The following GTF2B variants were observed in gnomAD, a reference collection of about 807,000 sequenced individuals.
GTF2B encodes the protein transcription initiation factor IIB.
Under a neutral mutation model 34.6 loss-of-function variants are expected in GTF2B, and 20 were observed. The observed-to-expected ratio is 0.58, with a 90% CI of 0.41 to 0.84. The LOEUF is 0.84. Among genes scored for constraint, GTF2B ranks in the 40% least tolerant of loss-of-function variants. The pLI is 0.00. For synonymous variants in GTF2B, 142 were observed against 132.4 expected (o/e 1.07, Z -0.50); for missense variants, 237 against 393.3 (o/e 0.60, Z 3.36).
At chr1:88,867,855 G>A (rs1449266998) in intron 2 of GTF2B, among the ~76,000 whole-genome samples, 2 of 152,168 alleles carry the variant, frequency 1.3e-5, no homozygotes, top group Non-Finnish European at 2.9e-5. Context: ...GCGCAACACT[G>A]GGTGGTGATG....
At position 88,891,555 on chromosome 1, in the gene GTF2B, A is replaced by T. The variant is rs1176802794; in HGVS notation, c.-56T>A. On this transcript the variant is annotated 5_prime_UTR_variant, in exon 1 of 7. Transcript: ENST00000370500. ...ACACAACAGACACACCGAAAGCAGG[A>T]AGCGAATGTGGCGAAGAGACGCGCA... 6.5e-7 allele frequency: 1 copy of T among 1,536,772 alleles called. No individual in the cohort carries two copies. The highest frequency in any genetic ancestry group is 8.9e-7 in the Non-Finnish European group (1 of 1,121,820).
At position 88,891,559 on chromosome 1, in the gene GTF2B, G is replaced by GA. The variant is rs933302100; in HGVS notation, c.-61dup. 1.3e-6 allele frequency: 2 copies of GA among 1,499,154 alleles called. No individual in the cohort carries two copies. Among genetic ancestry groups the GA allele is most frequent in the African/African-American group, 2.8e-5 (2 of 72,580 alleles). 92.9% of individuals were successfully genotyped at this position (1,499,154 alleles called of 1,614,324 possible). On this transcript the variant is annotated 5_prime_UTR_variant, in exon 1 of 7. Coordinates refer to ENST00000370500, the MANE Select transcript of GTF2B (RefSeq NM_001514.6). The stretch of plus-strand genomic sequence containing the variant: ...AACAGACACACCGAAAGCAGGAAGC[G>GA]AATGTGGCGAAGAGACGCGCAGAGA...
intron 2 of GTF2B, among the ~76,000 whole-genome samples, chr1:88,880,573 C>G (rs1016264556): frequency 2.6e-5 from 4 of 152,154 alleles, no homozygotes; most frequent in Non-Finnish European, 5.9e-5. Flanking sequence ...GCACTGACTC[C>G]AGAGAGCTGA....
intron 1 of GTF2B, among the ~76,000 whole-genome samples, chr1:88,888,812 C>A (rs1674130642): frequency 6.6e-6 from 1 of 152,080 alleles, no homozygotes. Flanking sequence ...AATACATATG[C>A]CATTTATGAC....
intron 3 of GTF2B, among the ~76,000 whole-genome samples, chr1:88,861,440 G>A (rs1291483400): frequency 1.3e-5 from 2 of 152,200 alleles, no homozygotes; most frequent in African/African-American, 2.4e-5. Context: ...TGAGGCAGGC[G>A]GATCACCTGA....
chr1:88,870,816 C>G (rs1334637501), intron 2 of GTF2B, among the ~76,000 whole-genome samples: 2 of 151,690 alleles, frequency 1.3e-5, no homozygotes, highest in African/African-American at 4.8e-5. Flanking sequence ...TTATTCTACT[C>G]TAAGTATCTT....
At chr1:88,867,716 T>A (rs550457741) in intron 2 of GTF2B, among the ~76,000 whole-genome samples, 1 of 152,238 alleles carries the variant, frequency 6.6e-6, no homozygotes, top group Non-Finnish European at 1.5e-5. Context: ...CTTCATTTCA[T>A]AGCATTTTCT....
chr1:88,888,152 T>G (rs1674119131), intron 1 of GTF2B: 1 of 152,186 alleles, frequency 6.6e-6, no homozygotes, highest in African/African-American at 2.4e-5. Context: ...AATAAGGCCC[T>G]TTTAAAAACC....
chr1:88,884,053 A>G (rs1674009620), intron 2 of GTF2B, among the ~76,000 whole-genome samples: 1 of 134,186 alleles, frequency 7.5e-6, no homozygotes, highest in Non-Finnish European at 1.5e-5. Flanking sequence ...TTTGAGACAG[A>G]GTCTCACTCT....
rs560246089 is a variant in GTF2B, at chr1:88,853,086, A to C, written c.*127T>G. 3 of 803,242 alleles carry C rather than the reference A, an allele frequency of 3.7e-6. No homozygotes were observed. The highest frequency in any genetic ancestry group is 6.6e-6 in the Non-Finnish European group (3 of 455,010). The allele number at this position is 803,242 out of a possible 1,614,324, so 49.8% of individuals were successfully genotyped here. On this transcript the variant is annotated 3_prime_UTR_variant, in exon 7 of 7. Coordinates refer to ENST00000370500, the MANE Select transcript of GTF2B (RefSeq NM_001514.6). Reference sequence around the variant, plus strand: ...TACATACAGAATGCCAAGCAATAGTATTCAGCCCTGGAATGCGTACCATGT... The same window carrying C: ...TACATACAGAATGCCAAGCAATAGTCTTCAGCCCTGGAATGCGTACCATGT...
chr1:88,861,605 A>G (rs942104223), intron 3 of GTF2B, among the ~76,000 whole-genome samples: 2 of 152,246 alleles, frequency 1.3e-5, no homozygotes, highest in African/African-American at 4.8e-5. Flanking sequence ...CGGAGGTTGC[A>G]GTGAGCAGAG....
intron 2 of GTF2B, among the ~76,000 whole-genome samples, chr1:88,877,392 T>A (rs1169843341): frequency 6.6e-6 from 1 of 152,212 alleles, no homozygotes; most frequent in Non-Finnish European, 1.5e-5. Context: ...TTCAAACAAC[T>A]CCTCATTGTG....
At chr1:88,859,807 G>T in intron 5 of GTF2B, 75 bp downstream of exon 5, 1 of 1,379,480 alleles carries the variant, frequency 7.2e-7, no homozygotes, top group Non-Finnish European at 1.0e-6. Context: ...CTGCACTCTG[G>T]CCTGGGCGAC....
intron 2 of GTF2B, among the ~76,000 whole-genome samples, chr1:88,882,323 A>ACAAAAC (rs1474157352): frequency 1.9e-4 from 28 of 150,646 alleles, no homozygotes; most frequent in African/African-American, 6.8e-4. Context: ...AAAAAAAAAA[A>ACAAAAC]AAAAAAAAAA....
intron 5 of GTF2B, 151 bp downstream of exon 5, chr1:88,859,731 G>C: frequency 6.7e-6 from 4 of 597,432 alleles, no homozygotes; most frequent in Non-Finnish European, 1.2e-5. Context: ...AGCTACTCAG[G>C]AGGCTGAGGC....
chr1:88,867,046 T>A (rs1557655799), intron 2 of GTF2B, among the ~76,000 whole-genome samples: 1 of 152,190 alleles, frequency 6.6e-6, no homozygotes, highest in Non-Finnish European at 1.5e-5. Flanking sequence ...CTTAAAAGTA[T>A]CATAAATTGT....
intron 2 of GTF2B, among the ~76,000 whole-genome samples, chr1:88,886,424 T>C (rs1443492241): frequency 6.6e-6 from 1 of 152,224 alleles, no homozygotes; most frequent in African/African-American, 2.4e-5. Context: ...TCTAGATTAG[T>C]GTGCAAGTAG....
chr1:88,853,487 T>C lies in GTF2B; in HGVS notation c.818-141A>G, dbSNP rs1673235422. 5.3e-6 allele frequency: 4 copies of C among 750,246 alleles called. No individual in the cohort carries two copies. The South Asian group carries it at 6.9e-5, about 13-fold the overall frequency. The allele number at this position is 750,246 out of a possible 1,614,324, so 46.5% of individuals were successfully genotyped here. A position where few individuals can be genotyped will look rare whatever the true frequency, so the allele number is the denominator to read the frequency against. On this transcript the variant is annotated intron_variant, in intron 6 of 6. Transcript: ENST00000370500. ...AGAAGTGATTTCTAAAAACTGATAA[T>C]AGAAATACATACTAAAAGGTAGAAA...
At chr1:88,874,530 A>C in intron 2 of GTF2B, among the ~76,000 whole-genome samples, 1 of 118,474 alleles carries the variant, frequency 8.4e-6, no homozygotes. Context: ...TTTTTTACAG[A>C]CACCGTCTCA....
Sources: gnomAD v4.1 joint callset for allele counts (sites outside exome capture counted in the v4.1 genomes callset) on GRCh38, gnomAD v4.1.1 for gene constraint, MANE v1.5 for transcripts, NCBI Gene and HGNC (gene_info 2026-07-23, HGNC 2026-07-21) for gene names.